PDE1C: variants seen among roughly 807,000 people sequenced by gnomAD.
The protein encoded by PDE1C is dual specificity calcium/calmodulin-dependent 3',5'-cyclic nucleotide phosphodiesterase 1C.
Under a neutral mutation model 93.1 loss-of-function variants are expected in PDE1C, and 62 were observed. The observed-to-expected ratio is 0.67, with a 90% CI of 0.54 to 0.82. The LOEUF (loss-of-function observed/expected upper bound fraction) is 0.82. Among genes scored for constraint, PDE1C ranks in the 40% least tolerant of loss-of-function variants. PDE1C has a pLI of 0.00. For missense variants in PDE1C, 742 were observed against 884.6 expected (o/e 0.84, Z 2.04); for synonymous variants, 325 against 310.1 (o/e 1.05, Z -0.50).
At chr7:31,883,974 G>A (rs948918304) in intron 2 of PDE1C, among the ~76,000 whole-genome samples, 1 of 152,190 alleles carries the variant, frequency 6.6e-6, no homozygotes, top group African/African-American at 2.4e-5. Context: ...CAAAACCCTA[G>A]CCAAGTGGTT....
At chr7:31,931,568 A>G (rs531543773) in intron 2 of PDE1C, among the ~76,000 whole-genome samples, 1 of 152,278 alleles carries the variant, frequency 6.6e-6, no homozygotes, top group East Asian at 1.9e-4. Context: ...ACTACAAACC[A>G]CTGTTCAAGG....
chr7:31,945,620 G>C (rs1806507477), intron 2 of PDE1C, among the ~76,000 whole-genome samples: 1 of 152,144 alleles, frequency 6.6e-6, no homozygotes, highest in South Asian at 2.1e-4. Flanking sequence ...CTAAGAGGAA[G>C]ATTGAATATG....
intron 2 of PDE1C, among the ~76,000 whole-genome samples, chr7:32,179,250 G>A (rs1002269653): frequency 6.8e-6 from 1 of 147,450 alleles, no homozygotes; most frequent in Non-Finnish European, 1.5e-5. Context: ...CAACTAGGAA[G>A]AGTCCTGACT....
chr7:31,692,446 T>C, the PDE1C span: 1 of 1,608,192 alleles, frequency 6.2e-7, no homozygotes, highest in Non-Finnish European at 8.5e-7. Context: ...CCTTTGATGA[T>C]GTCCACTGAG....
chr7:32,314,065 T>A (rs768928057), intron 1 of PDE1C, among the ~76,000 whole-genome samples: 1 of 151,750 alleles, frequency 6.6e-6, no homozygotes, highest in Non-Finnish European at 1.5e-5. Context: ...AAAAAATAAA[T>A]AAATAAATAA....
intron 15 of PDE1C, among the ~76,000 whole-genome samples, chr7:31,812,604 T>A (rs1583436235): frequency 1.3e-5 from 2 of 151,944 alleles, no homozygotes; most frequent in Admixed American, 1.3e-4. Flanking sequence ...TTTCTATAAA[T>A]AAAGTTTTAT....
At chr7:32,061,513 C>T (rs1375353736) in intron 1 of PDE1C, among the ~76,000 whole-genome samples, 1 of 152,232 alleles carries the variant, frequency 6.6e-6, no homozygotes, top group East Asian at 1.9e-4. Flanking sequence ...CTTGCCAGAG[C>T]CAGAGAGCCT....
intron 1 of PDE1C, among the ~76,000 whole-genome samples, chr7:32,248,738 GA>G (rs1161781847): frequency 1.3e-5 from 2 of 152,240 alleles, no homozygotes; most frequent in African/African-American, 4.8e-5. Context: ...CTCTGACCCA[GA>G]TGCTGCACTA....
chr7:31,853,458 C>G (rs76907223), intron 7 of PDE1C, among the ~76,000 whole-genome samples: 15,077 of 152,056 alleles, frequency 0.099, 958 homozygotes, highest in Middle Eastern at 0.2. Context: ...TGAGCAAGTC[C>G]CAGCAGCAAA....
intron 2 of PDE1C, among the ~76,000 whole-genome samples, chr7:32,188,733 C>G (rs891587788): frequency 6.6e-6 from 1 of 152,014 alleles, no homozygotes; most frequent in African/African-American, 2.4e-5. Flanking sequence ...TATTTTCTTT[C>G]CCTAGTTCTT....
At chr7:32,168,554 T>C (rs369018036) in intron 3 of PDE1C, among the ~76,000 whole-genome samples, 1 of 152,178 alleles carries the variant, frequency 6.6e-6, no homozygotes, top group East Asian at 1.9e-4. Flanking sequence ...GAGAAAGCCA[T>C]TCATGGTCCC....
In PDE1C at chr7:31,992,311, A is replaced by G. The variant is rs1784236410; in HGVS notation, c.128+59243T>C. Among the ~76,000 whole-genome samples, 4 of 152,356 alleles carry G rather than the reference A, an allele frequency of 2.6e-5. No individual in the cohort carries two copies. In the South Asian group the frequency reaches 8.3e-4, roughly 32 times the overall value. ...ATCTAGCCAAGGAAGCAATGTTCCT[A>G]AAGAGGATACCAGCCATGGTGGCAA... is the stretch of plus-strand genomic sequence containing the variant. On this transcript the variant is annotated intron_variant, in intron 2 of 17. Transcript: ENST00000396191.
chr7:32,295,757 G>C (rs1377432670), intron 1 of PDE1C, among the ~76,000 whole-genome samples: 1 of 152,096 alleles, frequency 6.6e-6, no homozygotes, highest in African/African-American at 2.4e-5. Context: ...AGCAGGGCGT[G>C]TTGGCGGGCG....
intron 2 of PDE1C, among the ~76,000 whole-genome samples, chr7:31,928,988 G>A (rs538970178): frequency 6.6e-6 from 1 of 152,148 alleles, no homozygotes; most frequent in East Asian, 1.9e-4. Flanking sequence ...ACACAGACTG[G>A]CAAATTGGAT....
At chr7:32,412,187 G>A (rs796738313) in intron 1 of PDE1C, among the ~76,000 whole-genome samples, 1 of 152,276 alleles carries the variant, frequency 6.6e-6, no homozygotes, top group African/African-American at 2.4e-5. Flanking sequence ...GGGCGCGGTG[G>A]CTCATGCCTG....
At chr7:31,721,752 G>A in the PDE1C span, among the ~76,000 whole-genome samples, 2 of 152,214 alleles carry the variant, frequency 1.3e-5, no homozygotes, top group East Asian at 1.9e-4. Context: ...ACCACCTGCC[G>A]AGATGGTTTT....
chr7:31,781,798 C>T (rs1271319878), intron 16 of PDE1C, among the ~76,000 whole-genome samples: 1 of 151,198 alleles, frequency 6.6e-6, no homozygotes, highest in East Asian at 2.0e-4. Flanking sequence ...ATACAACCAC[C>T]ATCAATACTA....
the PDE1C span, among the ~76,000 whole-genome samples, chr7:31,667,958 C>G: frequency 1.3e-5 from 2 of 151,840 alleles, no homozygotes; most frequent in African/African-American, 4.8e-5. Flanking sequence ...GGAGGATAGG[C>G]AATGAGGAAG....
At chr7:31,853,568 C>T (rs763202890) in intron 7 of PDE1C, among the ~76,000 whole-genome samples, 6 of 151,988 alleles carry the variant, frequency 3.9e-5, no homozygotes, top group East Asian at 1.9e-4. Flanking sequence ...ACACAGTGAG[C>T]GAGGAATGTA....
Sources: allele counts gnomAD v4.1 joint callset (sites outside exome capture counted in the v4.1 genomes callset), GRCh38; gene constraint gnomAD v4.1.1; transcripts MANE v1.5; gene names NCBI Gene and HGNC (gene_info 2026-07-23, HGNC 2026-07-21).